Variants in NDUFAF2 observed in about 807,000 individuals in gnomAD.
The protein encoded by NDUFAF2 is NADH dehydrogenase [ubiquinone] 1 alpha subcomplex assembly factor 2.
Under a neutral mutation model 22.8 loss-of-function variants are expected in NDUFAF2, and 13 were observed. The observed-to-expected ratio is 0.57, with a 90% CI of 0.37 to 0.91. The LOEUF (loss-of-function observed/expected upper bound fraction) is 0.91. Ranked by LOEUF, NDUFAF2 falls within the 40% of genes least tolerant of loss-of-function variation. The probability of loss-of-function intolerance (pLI) is 0.01; values close to 1 mark genes in which losing one functional copy is unlikely to be tolerated. For missense variants in NDUFAF2, 162 were observed against 195.2 expected (o/e 0.83, Z 1.01); for synonymous variants, 53 against 64.2 (o/e 0.83, Z 0.84).
At chr5:61,027,173 G>A (rs1047020566) in intron 1 of NDUFAF2, among the ~76,000 whole-genome samples, 6 of 151,700 alleles carry the variant, frequency 4.0e-5, no homozygotes, top group African/African-American at 1.5e-4. Context: ...TAAGAACATA[G>A]TGTAACTGAT....
rs199759059 is a variant in NDUFAF2, at chr5:61,044,201, AT to A, written c.128-28913del. ...CCTTTGCTTATTTTTTAATCAGGTT[AT>A]TTTTTTTTTTACTGTTGAATGAGTT... On this transcript the variant is annotated intron_variant, in intron 1 of 3. Coordinates refer to ENST00000296597, the MANE Select transcript of NDUFAF2 (RefSeq NM_174889.5). Among the ~76,000 whole-genome samples, 395 of 145,220 alleles carry A rather than the reference AT, an allele frequency of 2.7e-3. 3 individuals carry two copies. Among genetic ancestry groups the A allele is most frequent in the African/African-American group, 6.6e-3 (265 of 39,884 alleles).
chr5:61,065,663 C>A (rs963003132), intron 1 of NDUFAF2, among the ~76,000 whole-genome samples: 2 of 152,050 alleles, frequency 1.3e-5, no homozygotes, highest in Non-Finnish European at 2.9e-5. Flanking sequence ...GTTAAAAATT[C>A]TCAACAGTTT....
At chr5:61,060,182 T>A (rs2111713165) in intron 1 of NDUFAF2, among the ~76,000 whole-genome samples, 1 of 152,266 alleles carries the variant, frequency 6.6e-6, no homozygotes, top group African/African-American at 2.4e-5. Context: ...CATTGCTTGG[T>A]GAACAGCAAG....
chr5:61,064,824 GA>G (rs1752209081), intron 1 of NDUFAF2, among the ~76,000 whole-genome samples: 1 of 150,942 alleles, frequency 6.6e-6, no homozygotes, highest in East Asian at 1.9e-4. Flanking sequence ...CAAGGAACCA[GA>G]AAAAGAACAA....
chr5:61,135,140 G>GA (rs1427360387), intron 3 of NDUFAF2, among the ~76,000 whole-genome samples: 336 of 137,522 alleles, frequency 2.4e-3, no homozygotes, highest in East Asian at 4.4e-3. Flanking sequence ...TATTTTTTCT[G>GA]AAAAAAAAAA....
chr5:61,052,959 T>A (rs1005253076), intron 1 of NDUFAF2, among the ~76,000 whole-genome samples: 1 of 152,242 alleles, frequency 6.6e-6, no homozygotes, highest in East Asian at 1.9e-4. Context: ...CTTTAGCAGC[T>A]CCATTTGAAA....
intron 1 of NDUFAF2, among the ~76,000 whole-genome samples, chr5:61,067,877 C>T (rs888542618): frequency 6.6e-5 from 10 of 152,032 alleles, no homozygotes; most frequent in Middle Eastern, 6.8e-3. Context: ...TGGTATCTCA[C>T]TGTGGTTTTG....
intron 1 of NDUFAF2, among the ~76,000 whole-genome samples, chr5:61,061,144 AAAT>A (rs1429767148): frequency 2.0e-5 from 3 of 152,198 alleles, no homozygotes; most frequent in Admixed American, 1.3e-4. Context: ...ACCATCCTTT[AAAT>A]AATATCTTGC....
At chr5:61,137,916 G>T (rs1376648023) in intron 3 of NDUFAF2, among the ~76,000 whole-genome samples, 1 of 152,240 alleles carries the variant, frequency 6.6e-6, no homozygotes, top group Non-Finnish European at 1.5e-5. Flanking sequence ...TTGCCCATCA[G>T]AGTCTTTGTA....
chr5:60,995,391 G>A (rs1751215864), intron 1 of NDUFAF2, among the ~76,000 whole-genome samples: 1 of 152,198 alleles, frequency 6.6e-6, no homozygotes. Flanking sequence ...GCTTTAAGGG[G>A]CACCCCAAGT....
intron 3 of NDUFAF2, among the ~76,000 whole-genome samples, chr5:61,139,223 AC>A (rs1341471289): frequency 6.6e-6 from 1 of 152,180 alleles, no homozygotes; most frequent in Non-Finnish European, 1.5e-5. Flanking sequence ...ATCTAGTAAC[AC>A]AGTACACTGT....
At chr5:60,946,916 C>T (rs1750468097) in intron 1 of NDUFAF2, among the ~76,000 whole-genome samples, 1 of 152,166 alleles carries the variant, frequency 6.6e-6, no homozygotes, top group Non-Finnish European at 1.5e-5. Flanking sequence ...GTCTGGCTTG[C>T]TTCACATAGC....
At chr5:61,058,020 T>A (rs1324433235) in intron 1 of NDUFAF2, among the ~76,000 whole-genome samples, 1 of 152,202 alleles carries the variant, frequency 6.6e-6, no homozygotes, top group African/African-American at 2.4e-5. Flanking sequence ...TATTCATATT[T>A]AAAACTGCCA....
At chr5:61,141,158 C>T (rs1465330297) in intron 3 of NDUFAF2, among the ~76,000 whole-genome samples, 2 of 151,350 alleles carry the variant, frequency 1.3e-5, no homozygotes, top group Admixed American at 1.3e-4. Context: ...ACCTGGGAGG[C>T]GGAGGTTAAA....
At chr5:61,127,481 C>CA (rs1171970280) in intron 3 of NDUFAF2, among the ~76,000 whole-genome samples, 31 of 152,158 alleles carry the variant, frequency 2.0e-4, no homozygotes, top group African/African-American at 7.2e-4. Context: ...GCTGGTTCAA[C>CA]ATAAATCAAT....
At chr5:61,026,032 A>G (rs1480409407) in intron 1 of NDUFAF2, among the ~76,000 whole-genome samples, 1 of 152,106 alleles carries the variant, frequency 6.6e-6, no homozygotes, top group African/African-American at 2.4e-5. Context: ...TATGGGAAAT[A>G]TATCTGAGAT....
intron 3 of NDUFAF2, among the ~76,000 whole-genome samples, chr5:61,138,027 A>G (rs1740989901): frequency 6.6e-6 from 1 of 152,246 alleles, no homozygotes; most frequent in Non-Finnish European, 1.5e-5. Context: ...GGTGGCTACA[A>G]GCTGTGGCAC....
intron 1 of NDUFAF2, among the ~76,000 whole-genome samples, chr5:60,963,306 C>G (rs1750715569): frequency 6.6e-6 from 1 of 152,176 alleles, no homozygotes; most frequent in Non-Finnish European, 1.5e-5. Context: ...CCTACACGTA[C>G]TAGGAACTTC....
At position 61,077,522 on chromosome 5, in the gene NDUFAF2, G is replaced by A. The variant is rs1752384624; in HGVS notation, c.217+4308G>A. Among the ~76,000 whole-genome samples, 3 of 152,224 alleles carry A rather than the reference G, an allele frequency of 2.0e-5. No individual in the cohort carries two copies. In the South Asian group the frequency reaches 6.2e-4, roughly 31 times the overall value. On this transcript the variant is annotated intron_variant, in intron 2 of 3. Coordinates refer to ENST00000296597, the MANE Select transcript of NDUFAF2 (RefSeq NM_174889.5). ...TAGCAAGAGAGAATTTGGAGAGTCT[G>A]AGAATAGACAGTGTTTATGAGGAGT...
Sources: allele counts gnomAD v4.1 joint callset (sites outside exome capture counted in the v4.1 genomes callset), GRCh38; gene constraint gnomAD v4.1.1; transcripts MANE v1.5; gene names NCBI Gene and HGNC (gene_info 2026-07-23, HGNC 2026-07-21).